The following ITGA8 variants were observed in gnomAD, a reference collection of about 807,000 sequenced individuals.
ITGA8 encodes integrin subunit alpha 8.
A neutral mutation model predicts 142.3 loss-of-function variants in ITGA8; 91 were observed. The observed-to-expected ratio is 0.64, with a 90% CI of 0.54 to 0.76. ITGA8 has a LOEUF of 0.76. ITGA8 is among the 30% of genes least tolerant of loss of function. ITGA8 has a pLI of 0.00. For synonymous variants in ITGA8, 505 were observed against 485.2 expected (o/e 1.04, Z -0.54); for missense variants, 1,406 against 1,327.7 (o/e 1.06, Z -0.92).
intron 27 of ITGA8, among the ~76,000 whole-genome samples, chr10:15,536,308 A>G (rs973176286): frequency 1.3e-5 from 2 of 152,156 alleles, no homozygotes. Flanking sequence ...AAAAAAATGC[A>G]TCTTCACTTT....
At chr10:15,680,049 A>G (rs1019195529) in intron 4 of ITGA8, among the ~76,000 whole-genome samples, 40 of 152,176 alleles carry the variant, frequency 2.6e-4, no homozygotes, top group African/African-American at 8.9e-4. Flanking sequence ...AAGGAAATAC[A>G]TGTCATCACA....
At chr10:15,536,099 C>T (rs975556175) in intron 27 of ITGA8, among the ~76,000 whole-genome samples, 3 of 152,092 alleles carry the variant, frequency 2.0e-5, no homozygotes, top group Non-Finnish European at 4.4e-5. Flanking sequence ...ACTCTGGACA[C>T]GCTGCCTTTA....
intron 2 of ITGA8, among the ~76,000 whole-genome samples, chr10:15,688,298 A>G (rs892956959): frequency 9.0e-6 from 1 of 111,716 alleles, no homozygotes; most frequent in African/African-American, 3.0e-5. Context: ...CTACCAAAAA[A>G]TACCAAAAAA....
rs937975834 is a variant in ITGA8 at position 15,594,131 on chromosome 10, G to A, written c.2212-1827C>T. Among the ~76,000 whole-genome samples, 8 of 151,834 alleles carry A rather than the reference G, an allele frequency of 5.3e-5. No individual in the cohort carries two copies. In the East Asian group the frequency reaches 5.8e-4, roughly 11 times the overall value. On this transcript the variant is annotated intron_variant, in intron 21 of 29. Coordinates refer to ENST00000378076, the MANE Select transcript of ITGA8 (RefSeq NM_003638.3). ...CTGGGGTTACAGGTGTGAGCCAAAG[G>A]GCCCGGCCGGATGAATTTTTTTAAA... is the stretch of plus-strand genomic sequence containing the variant.
intron 25 of ITGA8, among the ~76,000 whole-genome samples, chr10:15,562,752 C>G (rs1244621744): frequency 1.3e-5 from 2 of 152,200 alleles, no homozygotes; most frequent in Non-Finnish European, 2.9e-5. Context: ...GAGGGTAGGC[C>G]TTGGATAGCC....
intron 13 of ITGA8, among the ~76,000 whole-genome samples, chr10:15,620,896 T>A (rs1833479234): frequency 1.3e-5 from 2 of 152,258 alleles, no homozygotes; most frequent in Non-Finnish European, 2.9e-5. Flanking sequence ...TGTGTGCATG[T>A]GAAATGATAT....
chr10:15,610,606 C>G (rs1239976438), intron 15 of ITGA8, among the ~76,000 whole-genome samples: 1 of 152,152 alleles, frequency 6.6e-6, no homozygotes, highest in African/African-American at 2.4e-5. Flanking sequence ...GGGTGATACA[C>G]TACATGATCT....
chr10:15,681,547 C>T (rs1227760889), intron 4 of ITGA8, among the ~76,000 whole-genome samples: 5 of 152,338 alleles, frequency 3.3e-5, no homozygotes, highest in African/African-American at 9.6e-5. Context: ...TTCAAACTCA[C>T]TCTGAAACTT....
rs141557494 is a variant in ITGA8, at chr10:15,613,513, C to T, written c.1553+147G>A. 2.5e-3 allele frequency: 1,666 copies of T among 679,646 alleles called. 3 individuals carry two copies. Among genetic ancestry groups the T allele is most frequent in the Non-Finnish European group, 3.6e-3 (1,370 of 375,564 alleles). 42.1% of individuals were successfully genotyped at this position (679,646 alleles called of 1,614,324 possible). On this transcript the variant is annotated intron_variant, in intron 15 of 29. Transcript: ENST00000378076. The stretch of plus-strand genomic sequence containing the variant: ...TACTCAAACTTCGGCCACAGACCAG[C>T]AGCAGCAGCATCTCTTGAAGCTTTT...
chr10:15,593,839 A>T (rs1026516953), intron 21 of ITGA8, among the ~76,000 whole-genome samples: 18 of 137,308 alleles, frequency 1.3e-4, no homozygotes, highest in African/African-American at 4.9e-4. Context: ...CCCAGCAAAG[A>T]TTTTTTTTTT....
chr10:15,546,087 C>T (rs1588635876), intron 27 of ITGA8, among the ~76,000 whole-genome samples: 2 of 151,980 alleles, frequency 1.3e-5, no homozygotes, highest in African/African-American at 2.4e-5. Context: ...CAGGTCTTTG[C>T]GTGACTCAGG....
chr10:15,663,099 C>G (rs991000561), intron 8 of ITGA8, among the ~76,000 whole-genome samples: 1 of 151,476 alleles, frequency 6.6e-6, no homozygotes, highest in African/African-American at 2.4e-5. Flanking sequence ...ATATTAAGAA[C>G]CCATCATCTA....
chr10:15,662,748 T>C (rs1834313587), intron 8 of ITGA8, among the ~76,000 whole-genome samples: 1 of 152,200 alleles, frequency 6.6e-6, no homozygotes, highest in Non-Finnish European at 1.5e-5. Context: ...TTTCCTTCAT[T>C]TGCAGCTTAG....
At chr10:15,652,385 C>T (rs1262353584) in intron 11 of ITGA8, among the ~76,000 whole-genome samples, 1 of 150,734 alleles carries the variant, frequency 6.6e-6, no homozygotes, top group African/African-American at 2.4e-5. Context: ...GCCCCTGGTG[C>T]TTGTTGTGTG....
rs1564362665 is a variant in ITGA8, at chr10:15,586,048, G to GTTTTT, written c.2372+535_2372+536insAAAAA. Among the ~76,000 whole-genome samples, 37 of 120,524 alleles carry GTTTTT rather than the reference G, an allele frequency of 3.1e-4. 1 individual carries two copies. Among genetic ancestry groups the GTTTTT allele is most frequent in the African/African-American group, 1.2e-3 (35 of 30,230 alleles). The allele number at this position is 120,524 out of a possible 152,430, so 79.1% of individuals were successfully genotyped here. On this transcript the variant is annotated intron_variant, in intron 23 of 29. Transcript: ENST00000378076. ...GCACTGTCAATTTGGGGAATAAAGTGATTTTTTTTTTTTTTTTTTTTTTTT... is the reference window on the plus strand; with the variant it reads ...GCACTGTCAATTTGGGGAATAAAGTGTTTTTATTTTTTTTTTTTTTTTTTTTTTTT...
chr10:15,551,935 T>C lies in ITGA8; in HGVS notation c.2767-3367A>G, dbSNP rs202158811. Among the ~76,000 whole-genome samples, 3 of 152,234 alleles carry C rather than the reference T, an allele frequency of 2.0e-5. No individual in the cohort carries two copies. The East Asian group carries it at 5.8e-4, about 29-fold the overall frequency. ...ATCAAGAACTGCCTTGGCCTTCATC[T>C]GAGAGTTTTTATGATATTCGGAAGT... On this transcript the variant is annotated intron_variant, in intron 26 of 29. Coordinates refer to ENST00000378076, the MANE Select transcript of ITGA8 (RefSeq NM_003638.3).
At chr10:15,666,280 A>G (rs1056183368) in intron 8 of ITGA8, among the ~76,000 whole-genome samples, 72 of 152,252 alleles carry the variant, frequency 4.7e-4, no homozygotes, top group African/African-American at 1.7e-3. Flanking sequence ...CTTTGAAGCA[A>G]TTATGAATGG....
At chr10:15,644,486 ATATATAGAAT>A (rs1564389076) in intron 12 of ITGA8, among the ~76,000 whole-genome samples, 498 of 9,342 alleles carry the variant, frequency 0.053, 36 homozygotes, top group Admixed American at 0.11. Flanking sequence ...ATATATATAT[ATATATAGAAT>A]TTTTTTTTTT....
At chr10:15,658,867 G>T in intron 10 of ITGA8, 132 bp downstream of exon 10, 2 of 648,376 alleles carry the variant, frequency 3.1e-6, no homozygotes, top group Non-Finnish European at 5.3e-6. Flanking sequence ...CATCCCCGGT[G>T]CCTAGGACAG....
Sources: gnomAD v4.1 joint callset for allele counts (sites outside exome capture counted in the v4.1 genomes callset) on GRCh38, gnomAD v4.1.1 for gene constraint, MANE v1.5 for transcripts, NCBI Gene and HGNC (gene_info 2026-07-23, HGNC 2026-07-21) for gene names.